The following TXLNB variants were observed in gnomAD, a reference collection of about 807,000 sequenced individuals.
TXLNB encodes taxilin beta.
In TXLNB, 37 loss-of-function variants were observed where a neutral mutation model predicts 57.4. That is an observed-to-expected ratio of 0.64 (90% CI 0.50 to 0.85). The LOEUF is 0.85. Ranked by LOEUF, TXLNB falls within the 40% of genes least tolerant of loss-of-function variation. The probability of loss-of-function intolerance (pLI) is 0.00; values close to 1 mark genes in which losing one functional copy is unlikely to be tolerated. For missense variants in TXLNB, 848 were observed against 825.6 expected (o/e 1.03, Z -0.33); for synonymous variants, 302 against 309.6 (o/e 0.98, Z 0.26).
At chr6:139,165,403 A>G in the TXLNB span, among the ~76,000 whole-genome samples, 3 of 152,220 alleles carry the variant, frequency 2.0e-5, no homozygotes, top group East Asian at 5.8e-4. Context: ...CTACATTTAC[A>G]CATCATTGTC....
chr6:139,195,225 C>T, the TXLNB span, among the ~76,000 whole-genome samples: 1 of 152,154 alleles, frequency 6.6e-6, no homozygotes, highest in African/African-American at 2.4e-5. Flanking sequence ...CATTTTATGC[C>T]TCCCATGTCC....
chr6:139,160,646 C>A, the TXLNB span, among the ~76,000 whole-genome samples: 1 of 152,138 alleles, frequency 6.6e-6, no homozygotes, highest in Non-Finnish European at 1.5e-5. Flanking sequence ...AACTCCTGGC[C>A]GCAAGTGATT....
chr6:139,238,582 A>G (rs1332312930), downstream of TXLNB, among the ~76,000 whole-genome samples: 3 of 152,222 alleles, frequency 2.0e-5, no homozygotes, highest in African/African-American at 7.2e-5. Flanking sequence ...TAACGTCAGT[A>G]TTGAGGATAC....
the TXLNB span, among the ~76,000 whole-genome samples, chr6:139,311,033 T>A: frequency 6.6e-6 from 1 of 152,248 alleles, no homozygotes; most frequent in Non-Finnish European, 1.5e-5. Context: ...ATTGTGTTTA[T>A]GTATAAGTAC....
At chr6:139,316,982 G>T in the TXLNB span, among the ~76,000 whole-genome samples, 1 of 152,156 alleles carries the variant, frequency 6.6e-6, no homozygotes, top group Non-Finnish European at 1.5e-5. Context: ...AAAGTGGGTT[G>T]GATATTCTGC....
At chr6:139,173,164 C>T in the TXLNB span, among the ~76,000 whole-genome samples, 1 of 152,176 alleles carries the variant, frequency 6.6e-6, no homozygotes, top group Non-Finnish European at 1.5e-5. Context: ...TTTTCAATGC[C>T]GTAGAGCAGA....
chr6:139,251,499 G>A (rs1388654868), intron 7 of TXLNB: 5 of 152,150 alleles, frequency 3.3e-5, no homozygotes, highest in Admixed American at 6.5e-5. Context: ...GTTTGGTAGC[G>A]TCTTCCCTCT....
At chr6:139,306,811 C>T in the TXLNB span, among the ~76,000 whole-genome samples, 1 of 152,184 alleles carries the variant, frequency 6.6e-6, no homozygotes, top group South Asian at 2.1e-4. Flanking sequence ...ATTTCTACAG[C>T]AGCCAACAGC....
chr6:139,240,705 C>A lies in TXLNB; in HGVS notation c.*1821G>T, dbSNP rs896857545. On this transcript the variant is annotated 3_prime_UTR_variant, in exon 10 of 10. Coordinates refer to ENST00000358430, the MANE Select transcript of TXLNB (RefSeq NM_153235.4). ...TAAAAATATACAGATTCTCAAATAGCGACAAGCTTTTTTCCTGATTTTTTT... is the reference window on the plus strand; with the variant it reads ...TAAAAATATACAGATTCTCAAATAGAGACAAGCTTTTTTCCTGATTTTTTT... 2.0e-5 allele frequency: 3 copies of A among 152,630 alleles called. No individual in the cohort carries two copies. The highest frequency in any genetic ancestry group is 7.2e-5 in the African/African-American group (3 of 41,452). The allele number at this position is 152,630 out of a possible 1,614,324, so 9.5% of individuals were successfully genotyped here.
At chr6:139,230,932 G>A in the TXLNB span, among the ~76,000 whole-genome samples, 1 of 152,244 alleles carries the variant, frequency 6.6e-6, no homozygotes, top group East Asian at 1.9e-4. Flanking sequence ...CATACACATT[G>A]TAAACTTGCA....
chr6:139,237,224 G>C (rs971705589), downstream of TXLNB, among the ~76,000 whole-genome samples: 2 of 151,858 alleles, frequency 1.3e-5, no homozygotes, highest in Non-Finnish European at 2.9e-5. Flanking sequence ...TATATTGGCC[G>C]GGTGCAGTGG....
At chr6:139,174,703 T>TA in the TXLNB span, 1 of 978,256 alleles carries the variant, frequency 1.0e-6, no homozygotes, top group East Asian at 2.9e-5. Flanking sequence ...ATTCAGTCAT[T>TA]AAAAGGAATA....
the TXLNB span, chr6:139,170,382 A>G: frequency 5.3e-5 from 8 of 152,210 alleles, no homozygotes; most frequent in South Asian, 2.1e-4. Context: ...TACCAGGCTT[A>G]AAGTTCTAGT....
chr6:139,258,318 T>C (rs1776395632), intron 6 of TXLNB, among the ~76,000 whole-genome samples: 1 of 152,200 alleles, frequency 6.6e-6, no homozygotes, highest in African/African-American at 2.4e-5. Context: ...GTCTTGTTCT[T>C]TCTCTTTCAT....
At chr6:139,306,019 A>G in the TXLNB span, among the ~76,000 whole-genome samples, 2 of 152,200 alleles carry the variant, frequency 1.3e-5, no homozygotes, top group African/African-American at 4.8e-5. Context: ...TGATTGTAGC[A>G]TTTCAACAAT....
chr6:139,277,564 T>C (rs1266854387), intron 2 of TXLNB, among the ~76,000 whole-genome samples: 1 of 152,190 alleles, frequency 6.6e-6, no homozygotes, highest in Admixed American at 6.5e-5. Flanking sequence ...AAAATCATTA[T>C]AGAAGGAAAA....
chr6:139,255,763 T>G, intron 6 of TXLNB, 125 bp from the exon 7 acceptor site: 3 of 677,290 alleles, frequency 4.4e-6, no homozygotes, highest in Non-Finnish European at 7.5e-6. Flanking sequence ...TTTTGGAACT[T>G]TGAAAAGAAT....
chr6:139,174,550 A>G, the TXLNB span: 2 of 1,613,274 alleles, frequency 1.2e-6, no homozygotes, highest in Non-Finnish European at 1.7e-6. Context: ...GTAGGTACTG[A>G]ACACACTGAG....
chr6:139,188,110 CCTT>C, the TXLNB span, among the ~76,000 whole-genome samples: 1 of 152,084 alleles, frequency 6.6e-6, no homozygotes, highest in Non-Finnish European at 1.5e-5. Context: ...TTCCCAGGGG[CCTT>C]CTTACTAAGA....
Sources: gnomAD v4.1 joint callset for allele counts (sites outside exome capture counted in the v4.1 genomes callset) on GRCh38, gnomAD v4.1.1 for gene constraint, MANE v1.5 for transcripts, NCBI Gene and HGNC (gene_info 2026-07-23, HGNC 2026-07-21) for gene names.